CHD3: variants seen among roughly 807,000 people sequenced by gnomAD.
CHD3 encodes the protein ATP-dependent chromatin remodeler CHD3.
CHD3 carries 52 observed loss-of-function variants against 248.9 expected under a neutral mutation model. The ratio of observed to expected loss-of-function variants is 0.21; its 90% CI spans 0.17 to 0.26. The LOEUF is 0.26. Among genes scored for constraint, CHD3 ranks in the 10% least tolerant of loss-of-function variants. The probability of loss-of-function intolerance (pLI) is 1.00; values close to 1 mark genes in which losing one functional copy is unlikely to be tolerated. For missense variants in CHD3, 1,482 were observed against 2,605.8 expected (o/e 0.57, Z 9.39); for synonymous variants, 985 against 985.2 (o/e 1.00, Z 0.00).
chr17:7,907,695 C>T lies in CHD3; in HGVS notation c.5019C>T (p.Gly1673=). The change falls in exon 33 of 40, where the codon GGC becomes GGT. Residue 1673 remains glycine, a synonymous_variant. Coordinates refer to ENST00000330494, the MANE Select transcript of CHD3 (RefSeq NM_001005273.3). The surrounding 1 kb of genome is among the most constrained non-coding windows in gnomAD (Gnocchi z 4.3). ...ERPEGETGDL[G]KREDVKGDRE... ...CGGAGGGGGAAACAGGGGATTTGGG[C>T]AAGAGAGGTAATGGGTGGAAGGGAC... The T allele has an allele frequency of 6.5e-7, 1 of 1,531,146 alleles. No homozygotes were observed. The highest frequency in any genetic ancestry group is 8.7e-7 in the Non-Finnish European group (1 of 1,144,982). The allele number at this position is 1,531,146 out of a possible 1,614,324, so 94.8% of individuals were successfully genotyped here. A position where few individuals can be genotyped will look rare whatever the true frequency, so the allele number is the denominator to read the frequency against.
In CHD3 at chr17:7,905,195, C is replaced by T. The variant is rs1970782249; in HGVS notation, c.4138+30C>T. ...CATCTGTGTTCCTGACTCTACCTCA[C>T]CTCTTCCCGTTTTATTTTCCAGTTT... On this transcript the variant is annotated intron_variant, in intron 26 of 39. Transcript: ENST00000330494. The surrounding 1 kb of genome is among the most constrained non-coding windows in gnomAD (Gnocchi z 5.8). 1.3e-6 allele frequency: 2 copies of T among 1,597,820 alleles called. No individual in the cohort carries two copies. Among genetic ancestry groups the T allele is most frequent in the Non-Finnish European group, 8.6e-7 (1 of 1,165,190 alleles).
upstream of CHD3, among the ~76,000 whole-genome samples, chr17:7,886,667 CAGG>C (rs1261937022): frequency 6.6e-5 from 10 of 152,204 alleles, 1 homozygote; most frequent in African/African-American, 1.4e-4. This position sits in a 1 kb window ranked among gnomAD's most constrained non-coding sequence, Gnocchi z 4.2. Context: ...CCTGCCTTGG[CAGG>C]AGGAGGAGGA....
rs939315402 is a variant in CHD3, at chr17:7,906,785, G to A, written c.4504-84G>A. The A allele has an allele frequency of 2.5e-5, 40 of 1,590,922 alleles. 1 individual carries two copies. The highest frequency in any genetic ancestry group is 1.6e-4 in the South Asian group (14 of 87,788). On this transcript the variant is annotated intron_variant, in intron 29 of 39. Coordinates refer to ENST00000330494, the MANE Select transcript of CHD3 (RefSeq NM_001005273.3). The surrounding 1 kb of genome is among the most constrained non-coding windows in gnomAD (Gnocchi z 5.0). ...CTCTGTCCCTGAGTTGTAAGCTTGC[G>A]CTGGTGTGAGACGGAGGAGACTGGA...
At position 7,900,538 on chromosome 17, in the gene CHD3, T is replaced by G; in HGVS notation, c.2805-20T>G. 1 of 1,610,084 alleles carries G rather than the reference T, an allele frequency of 6.2e-7. No individual in the cohort carries two copies. Among genetic ancestry groups the G allele is most frequent in the Non-Finnish European group, 8.5e-7 (1 of 1,176,698 alleles). On this transcript the variant is annotated intron_variant, in intron 17 of 39. Coordinates refer to ENST00000330494, the MANE Select transcript of CHD3 (RefSeq NM_001005273.3). The surrounding 1 kb of genome is among the most constrained non-coding windows in gnomAD (Gnocchi z 6.5). Reference sequence around the variant, plus strand: ...AAGGAACTTGCCGACCTGTTAATTTTCTTCTCTTCTGGCTCTTAGCAACTT... The same window carrying G: ...AAGGAACTTGCCGACCTGTTAATTTGCTTCTCTTCTGGCTCTTAGCAACTT...
upstream of CHD3, among the ~76,000 whole-genome samples, chr17:7,887,177 G>GC (rs1473784261): frequency 2.0e-5 from 3 of 152,116 alleles, no homozygotes; most frequent in African/African-American, 7.2e-5. Context: ...TGTTCAGGCT[G>GC]CCCTCGCTCT....
In CHD3 at chr17:7,904,343, AC is replaced by A. The variant is rs1396758820; in HGVS notation, c.3895-97del. ...GCCACGAAGCTGCAGGAGTGGGGAG[AC>A]CGGATTGGGCTGACGCAGCAGAGTA... is the stretch of plus-strand genomic sequence containing the variant. On this transcript the variant is annotated intron_variant, in intron 24 of 39. Transcript: ENST00000330494. This position sits in a 1 kb window ranked among gnomAD's most constrained non-coding sequence, Gnocchi z 4.4. 1.8e-6 allele frequency: 2 copies of A among 1,133,356 alleles called. No homozygotes were observed. Among genetic ancestry groups the A allele is most frequent in the Non-Finnish European group, 2.6e-6 (2 of 779,120 alleles). The allele number at this position is 1,133,356 out of a possible 1,614,324, so 70.2% of individuals were successfully genotyped here.
At position 7,904,002 on chromosome 17, in the gene CHD3, T is replaced by A; in HGVS notation, c.3894+11T>A. On this transcript the variant is annotated intron_variant, in intron 24 of 39. Transcript: ENST00000330494. This position sits in a 1 kb window ranked among gnomAD's most constrained non-coding sequence, Gnocchi z 4.4. ...CGGGAAGAAGACAAGGTGAGAGGCT[T>A]TGGGGGCCAGACATTATCTATCCCA... 6.2e-7 allele frequency: 1 copy of A among 1,612,832 alleles called. No homozygotes were observed. The highest frequency in any genetic ancestry group is 8.5e-7 in the Non-Finnish European group (1 of 1,179,240).
At chr17:7,892,786 C>T (rs1292995124) in intron 4 of CHD3, among the ~76,000 whole-genome samples, 5 of 152,120 alleles carry the variant, frequency 3.3e-5, no homozygotes, top group Admixed American at 2.0e-4. Context: ...TGAGCCACTG[C>T]GCCCAGCCTA....
At chr17:7,896,529 T>C (rs141097658) in intron 10 of CHD3, among the ~76,000 whole-genome samples, 1,742 of 144,434 alleles carry the variant, frequency 0.012, 34 homozygotes, top group African/African-American at 0.042. Context: ...CCTCAGCCAC[T>C]CAAGTAGCTG....
At position 7,905,043 on chromosome 17, in the gene CHD3, A is replaced by AGC; in HGVS notation, c.4073-56_4073-55dup. 6.7e-7 allele frequency: 1 copy of AGC among 1,499,558 alleles called. No individual in the cohort carries two copies. The allele number at this position is 1,499,558 out of a possible 1,614,324, so 92.9% of individuals were successfully genotyped here. Reference sequence around the variant, plus strand: ...GAGGAATCCAGCCAGAAAGGGCCTCAGCATGGGCATATCCCGAGAGCCCTC... The same window carrying AGC: ...GAGGAATCCAGCCAGAAAGGGCCTCAGCGCATGGGCATATCCCGAGAGCCCTC... On this transcript the variant is annotated intron_variant, in intron 25 of 39. Coordinates refer to ENST00000330494, the MANE Select transcript of CHD3 (RefSeq NM_001005273.3). The surrounding 1 kb of genome is among the most constrained non-coding windows in gnomAD (Gnocchi z 5.8).
intron 19 of CHD3, 69 bp from the exon 20 acceptor site, chr17:7,901,175 A>G: frequency 1.3e-6 from 2 of 1,537,048 alleles, no homozygotes; most frequent in South Asian, 2.5e-5. Context: ...CTGGCCTTCT[A>G]GGTGTGGCAA....
At chr17:7,884,861 G>T, upstream of CHD3, 1 of 1,228,814 alleles carries the variant, frequency 8.1e-7, no homozygotes, top group Non-Finnish European at 1.1e-6. Context: ...GGTGGTGTCG[G>T]AGGAGGAAGA....
In CHD3 at chr17:7,894,419, G is replaced by A. The variant is rs1294230901; in HGVS notation, c.1080G>A (p.Leu360=). The change falls in exon 8 of 40, where the codon CTG becomes CTA. Residue 360 remains leucine (L), a synonymous_variant. Transcript: ENST00000330494. ...CTCCACCGGGGTATATGACAGTCCTGGGCTGTCCTGCAGTGGCCGGGGAGG... is the reference window on the plus strand; with the variant it reads ...CTCCACCGGGGTATATGACAGTCCTAGGCTGTCCTGCAGTGGCCGGGGAGG... The part of the protein sequence containing the change: ...GRPGRKKKKV[L]GCPAVAGEEE... 1.9e-6 allele frequency: 3 copies of A among 1,612,346 alleles called. No homozygotes were observed. The highest frequency in any genetic ancestry group is 2.2e-5 in the South Asian group (2 of 90,828).
At position 7,899,319 on chromosome 17, in the gene CHD3, G is replaced by A; in HGVS notation, c.2344-24G>A. ...TATACGGCCTCTAGCCTAGACTTAT[G>A]CTGCCCCCATTCTTGACTCCCAGGG... On this transcript the variant is annotated intron_variant, in intron 14 of 39. Transcript: ENST00000330494. The surrounding 1 kb of genome is among the most constrained non-coding windows in gnomAD (Gnocchi z 6.8). The A allele has an allele frequency of 6.2e-7, 1 of 1,612,996 alleles. No individual in the cohort carries two copies. Among genetic ancestry groups the A allele is most frequent in the Non-Finnish European group, 8.5e-7 (1 of 1,179,098 alleles).
chr17:7,912,241 C>T lies in CHD3; in HGVS notation c.*656C>T, dbSNP rs369355870. 1.8e-5 allele frequency: 3 copies of T among 164,378 alleles called. No homozygotes were observed. Among genetic ancestry groups the T allele is most frequent in the African/African-American group, 7.2e-5 (3 of 41,434 alleles). 10.2% of individuals were successfully genotyped at this position (164,378 alleles called of 1,614,324 possible). On this transcript the variant is annotated 3_prime_UTR_variant, in exon 40 of 40. Transcript: ENST00000330494. ...CCGGCATCTTGTGTTGGGAATGTTC[C>T]CCCCTCCCTAGGGACCAAGGACCAC...
At position 7,895,448 on chromosome 17, in the gene CHD3, C is replaced by G. The variant is rs200461939; in HGVS notation, c.1613C>G (p.Pro538Arg). 9.3e-5 allele frequency: 150 copies of G among 1,613,948 alleles called. No individual in the cohort carries two copies. Among genetic ancestry groups the G allele is most frequent in the Middle Eastern group, 1.6e-4 (1 of 6,084 alleles). ...GCAGATGGAAATCCAGATGTCCCAC[C>G]CCCCCGTCCTCTTCAAGGCAGATCA... ...QQADGNPDVP[P>R]PRPLQGRSER... Residue 538 changes from proline to arginine, a missense_variant, in exon 10 of 40, where the codon CCC becomes CGC. By Grantham distance (103) the Pro-to-Arg change is moderately radical (BLOSUM62 -2). This residue lies in a region of CHD3 where 24 missense variants were observed against 18.3 expected (regional missense o/e 1.31). Coordinates refer to ENST00000330494, the MANE Select transcript of CHD3 (RefSeq NM_001005273.3). This position sits in a 1 kb window ranked among gnomAD's most constrained non-coding sequence, Gnocchi z 4.9.
Position 7,899,100 on chromosome 17 carries a change from A to G in CHD3, c.2241A>G (p.Leu747=), listed in dbSNP as rs964383844. The G allele has an allele frequency of 2.5e-6, 4 of 1,614,018 alleles. No homozygotes were observed. The highest frequency in any genetic ancestry group is 3.4e-6 in the Non-Finnish European group (4 of 1,180,022). The change falls in exon 14 of 40, where the codon CTA becomes CTG. Residue 747 remains leucine (L), a synonymous_variant. Coordinates refer to ENST00000330494, the MANE Select transcript of CHD3 (RefSeq NM_001005273.3). The surrounding 1 kb of genome is among the most constrained non-coding windows in gnomAD (Gnocchi z 6.8). ...HMYQLEGLNW[L]RFSWAQGTDT... The stretch of plus-strand genomic sequence containing the variant: ...ATCAGTTGGAAGGGCTGAACTGGCT[A>G]CGCTTCTCCTGGGCCCAGGGCACTG...
chr17:7,911,111 C>G lies in CHD3; in HGVS notation c.5881+138C>G. Reference sequence around the variant, plus strand: ...CGGTGTTTTATGGGATAGAGTTGTTCTAGGCTGTCCCCCCACCCATCCCTT... The same window carrying G: ...CGGTGTTTTATGGGATAGAGTTGTTGTAGGCTGTCCCCCCACCCATCCCTT... On this transcript the variant is annotated intron_variant, in intron 39 of 39. Transcript: ENST00000330494. The surrounding 1 kb of genome is among the most constrained non-coding windows in gnomAD (Gnocchi z 5.4). The G allele has an allele frequency of 8.0e-7, 1 of 1,244,978 alleles. No homozygotes were observed. The highest frequency in any genetic ancestry group is 1.1e-6 in the Non-Finnish European group (1 of 876,764). The allele number at this position is 1,244,978 out of a possible 1,614,324, so 77.1% of individuals were successfully genotyped here.
At position 7,889,821 on chromosome 17, in the gene CHD3, C is replaced by A. The variant is rs769057573; in HGVS notation, c.213+45C>A. On this transcript the variant is annotated intron_variant, in intron 2 of 39. Coordinates refer to ENST00000330494, the MANE Select transcript of CHD3 (RefSeq NM_001005273.3). The surrounding 1 kb of genome is among the most constrained non-coding windows in gnomAD (Gnocchi z 4.5). ...AACTCTGTGGCAAGGCTCAAGAGAC[C>A]CATTCTCAGAGACCTACATTTTCTC... 1 of 1,530,194 alleles carries A rather than the reference C, an allele frequency of 6.5e-7. No individual in the cohort carries two copies. Among genetic ancestry groups the A allele is most frequent in the South Asian group, 1.2e-5 (1 of 85,896 alleles). The allele number at this position is 1,530,194 out of a possible 1,614,324, so 94.8% of individuals were successfully genotyped here. A position where few individuals can be genotyped will look rare whatever the true frequency, so the allele number is the denominator to read the frequency against.
Sources: allele counts gnomAD v4.1 joint callset (sites outside exome capture counted in the v4.1 genomes callset), GRCh38; gene constraint gnomAD v4.1.1; regional missense constraint gnomAD v4.1.1; non-coding constraint Gnocchi (gnomAD v3.1); transcripts MANE v1.5; gene names NCBI Gene and HGNC (gene_info 2026-07-23, HGNC 2026-07-21).